Variants in PAPSS2 observed in about 807,000 individuals in gnomAD.
PAPSS2 encodes the protein 3'-phosphoadenosine 5'-phosphosulfate synthase 2.
Under a neutral mutation model 66.5 loss-of-function variants are expected in PAPSS2, and 61 were observed. That is an observed-to-expected ratio of 0.92 (90% CI 0.75 to 1.14). The LOEUF is 1.14. Ranked by LOEUF, PAPSS2 falls within the 50% of genes most tolerant of loss-of-function variation. The pLI is 0.00. For missense variants in PAPSS2, 708 were observed against 789.6 expected (o/e 0.90, Z 1.24); for synonymous variants, 289 against 287.5 (o/e 1.01, Z -0.05).
At chr10:87,677,603 C>T (rs7898017) in intron 1 of PAPSS2, among the ~76,000 whole-genome samples, 1 of 152,088 alleles carries the variant, frequency 6.6e-6, no homozygotes, top group African/African-American at 2.4e-5. Context: ...GCAGGAGAAA[C>T]ATGGAGAATT....
At chr10:87,660,479 C>G (rs907595024) in intron 1 of PAPSS2, 1 of 195,830 alleles carries the variant, frequency 5.1e-6, no homozygotes, top group Non-Finnish European at 1.0e-5. Flanking sequence ...ATAGAGGAAA[C>G]TGCAATTATC....
At chr10:87,725,884 T>TAC (rs60791274) in intron 8 of PAPSS2, among the ~76,000 whole-genome samples, 4,925 of 140,424 alleles carry the variant, frequency 0.035, 122 homozygotes, top group Middle Eastern at 0.047. Context: ...TATGTGTGTA[T>TAC]ACACACACAC....
intron 7 of PAPSS2, among the ~76,000 whole-genome samples, chr10:87,719,429 A>C (rs750196560): frequency 6.6e-6 from 1 of 152,206 alleles, no homozygotes; most frequent in Non-Finnish European, 1.5e-5. Flanking sequence ...TATTTCATAC[A>C]TATTAGCTAT....
chr10:87,697,927 G>A (rs1208142550), intron 1 of PAPSS2, among the ~76,000 whole-genome samples: 1 of 152,154 alleles, frequency 6.6e-6, no homozygotes, highest in East Asian at 1.9e-4. Context: ...ATGAGGAGAG[G>A]GGCTTCTTTA....
chr10:87,701,366 TTCTTTC>T (rs1853309428), intron 1 of PAPSS2, among the ~76,000 whole-genome samples: 2 of 116,662 alleles, frequency 1.7e-5, no homozygotes, highest in Non-Finnish European at 3.3e-5. Flanking sequence ...CTTTCTTTCT[TTCTTTC>T]TTTCTTTCTT....
intron 1 of PAPSS2, among the ~76,000 whole-genome samples, chr10:87,667,476 C>T (rs2131894339): frequency 6.6e-6 from 1 of 152,164 alleles, no homozygotes; most frequent in Admixed American, 6.5e-5. Context: ...AACAAACAAA[C>T]AATAAATTGG....
At chr10:87,677,097 G>C (rs1410224963) in intron 1 of PAPSS2, among the ~76,000 whole-genome samples, 1 of 151,930 alleles carries the variant, frequency 6.6e-6, no homozygotes, top group Admixed American at 6.6e-5. Context: ...CAGAGATTGA[G>C]GCAGGAAAAT....
At chr10:87,683,841 C>G (rs1383450410) in intron 1 of PAPSS2, among the ~76,000 whole-genome samples, 2 of 152,044 alleles carry the variant, frequency 1.3e-5, no homozygotes, top group Admixed American at 1.3e-4. Flanking sequence ...AGGTGCAAAC[C>G]ACCACACACA....
At chr10:87,686,762 T>C (rs1046271114) in intron 1 of PAPSS2, among the ~76,000 whole-genome samples, 1 of 152,170 alleles carries the variant, frequency 6.6e-6, no homozygotes, top group African/African-American at 2.4e-5. Flanking sequence ...TCCCTTCTGA[T>C]TAACGTCAGA....
chr10:87,706,593 C>CA (rs5786789), intron 1 of PAPSS2, among the ~76,000 whole-genome samples: 8,660 of 77,492 alleles, frequency 0.11, 727 homozygotes, highest in African/African-American at 0.29. Context: ...CCTATCTGTA[C>CA]AAAAAAAAAA....
chr10:87,689,905 G>A (rs1853148134), intron 1 of PAPSS2, among the ~76,000 whole-genome samples: 1 of 152,154 alleles, frequency 6.6e-6, no homozygotes, highest in Non-Finnish European at 1.5e-5. Flanking sequence ...AAATACCATT[G>A]TTCATTCATC....
At chr10:87,702,635 A>T (rs4933457) in intron 1 of PAPSS2, among the ~76,000 whole-genome samples, 79,422 of 152,070 alleles carry the variant, frequency 0.52, 22,481 homozygotes, top group African/African-American at 0.74. Context: ...GGAGTTGTAA[A>T]GAGAGAAGTA....
At chr10:87,730,974 C>G (rs1022610951) in intron 9 of PAPSS2, among the ~76,000 whole-genome samples, 2 of 152,214 alleles carry the variant, frequency 1.3e-5, no homozygotes, top group African/African-American at 4.8e-5. Flanking sequence ...TAGCTAAGAT[C>G]ATTGATGTAG....
chr10:87,695,428 A>T (rs1417579496), intron 1 of PAPSS2, among the ~76,000 whole-genome samples: 1 of 152,236 alleles, frequency 6.6e-6, no homozygotes, highest in African/African-American at 2.4e-5. Context: ...TAATTAGACC[A>T]TAGCAGCCTG....
chr10:87,711,211 T>G (rs1167493096), intron 2 of PAPSS2, among the ~76,000 whole-genome samples: 2 of 152,238 alleles, frequency 1.3e-5, no homozygotes, highest in African/African-American at 4.8e-5. Flanking sequence ...AGCCTCAGTT[T>G]TCTTATTTGT....
intron 1 of PAPSS2, among the ~76,000 whole-genome samples, chr10:87,666,240 A>G (rs900396412): frequency 1.6e-4 from 24 of 152,182 alleles, no homozygotes; most frequent in African/African-American, 5.8e-4. Flanking sequence ...CTGGGATTAC[A>G]GGCATGAGCC....
Position 87,746,893 on chromosome 10 carries a change from A to G in PAPSS2, c.*923A>G, listed in dbSNP as rs973020325. ...AGAAAACAAAGAATCCAACCCTTTCATCTTACAGGTGAACAAACTGTGATG... is the reference window on the plus strand; with the variant it reads ...AGAAAACAAAGAATCCAACCCTTTCGTCTTACAGGTGAACAAACTGTGATG... On this transcript the variant is annotated 3_prime_UTR_variant, in exon 13 of 13. Transcript: ENST00000456849. 2 of 152,238 alleles carry G rather than the reference A, an allele frequency of 1.3e-5. No individual in the cohort carries two copies. The highest frequency in any genetic ancestry group is 4.8e-5 in the African/African-American group (2 of 41,458). 9.4% of individuals were successfully genotyped at this position (152,238 alleles called of 1,614,324 possible). A position where few individuals can be genotyped will look rare whatever the true frequency, so the allele number is the denominator to read the frequency against.
chr10:87,697,251 G>A (rs1299093716), intron 1 of PAPSS2, among the ~76,000 whole-genome samples: 1 of 152,212 alleles, frequency 6.6e-6, no homozygotes, highest in East Asian at 1.9e-4. Context: ...CAAATAGGAA[G>A]ATCAGGCAGG....
intron 1 of PAPSS2, among the ~76,000 whole-genome samples, chr10:87,705,585 C>A (rs1328906475): frequency 1.3e-5 from 2 of 152,066 alleles, no homozygotes; most frequent in Non-Finnish European, 2.9e-5. Flanking sequence ...TTATCAGTGA[C>A]CTCTCATTTT....
Sources: allele counts gnomAD v4.1 joint callset (sites outside exome capture counted in the v4.1 genomes callset), GRCh38; gene constraint gnomAD v4.1.1; transcripts MANE v1.5; gene names NCBI Gene and HGNC (gene_info 2026-07-23, HGNC 2026-07-21).